Variants in RCL1 observed in about 807,000 individuals in gnomAD.
RCL1 encodes RNA 3'-terminal phosphate cyclase-like protein.
A neutral mutation model predicts 42.4 loss-of-function variants in RCL1; 24 were observed. The ratio of observed to expected loss-of-function variants is 0.57; its 90% CI spans 0.41 to 0.80. RCL1 has a LOEUF of 0.80. RCL1 is among the 30% of genes least tolerant of loss of function. The pLI, the probability that RCL1 is intolerant of heterozygous loss-of-function variation, is 0.00. For synonymous variants in RCL1, 228 were observed against 177.3 expected (o/e 1.29, Z -2.27); for missense variants, 578 against 467.9 (o/e 1.24, Z -2.17).
intron 8 of RCL1, among the ~76,000 whole-genome samples, chr9:4,853,267 G>A (rs1355439516): frequency 2.0e-5 from 3 of 151,946 alleles, no homozygotes; most frequent in African/African-American, 7.3e-5. Context: ...CAGACAGTAA[G>A]TGGGGTTCAG....
At chr9:4,832,132 A>T (rs571614326) in intron 3 of RCL1, among the ~76,000 whole-genome samples, 1 of 152,276 alleles carries the variant, frequency 6.6e-6, no homozygotes, top group East Asian at 1.9e-4. Flanking sequence ...CCATCTTTCT[A>T]CTCTTATCAG....
chr9:4,847,227 G>C (rs1048209482), intron 7 of RCL1, among the ~76,000 whole-genome samples: 11 of 152,028 alleles, frequency 7.2e-5, no homozygotes, highest in African/African-American at 2.4e-4. Context: ...ATTGTGCCTG[G>C]ACCAAATTTC....
intron 1 of RCL1, among the ~76,000 whole-genome samples, chr9:4,802,535 A>G (rs988686782): frequency 7.2e-5 from 11 of 152,196 alleles, no homozygotes; most frequent in African/African-American, 2.4e-4. Context: ...ATGAAATATT[A>G]TAGGTTTATT....
intron 1 of RCL1, among the ~76,000 whole-genome samples, chr9:4,819,678 G>A (rs1173470641): frequency 2.6e-5 from 4 of 152,230 alleles, no homozygotes; most frequent in South Asian, 2.1e-4. Flanking sequence ...GTGGTGGCAC[G>A]CGCCTGTAGT....
At chr9:4,816,372 G>T (rs898190138) in intron 1 of RCL1, among the ~76,000 whole-genome samples, 1 of 152,100 alleles carries the variant, frequency 6.6e-6, no homozygotes, top group African/African-American at 2.4e-5. Context: ...TTACCATGAA[G>T]ATACATTCTC....
chr9:4,841,255 A>G lies in RCL1; in HGVS notation c.608A>G (p.Gln203Arg). Reference protein sequence around the residue: ...GMAYSVRVSPQMANRIVDSAR... With the variant: ...GMAYSVRVSPRMANRIVDSAR... ...AGGTACTCTGTACGTGTGTCACCTC[A>G]GATGGCGAACCGGATTGTGGATTCT... is the stretch of plus-strand genomic sequence containing the variant. Residue 203 changes from glutamine (Q) to arginine (R), a missense_variant, in exon 6 of 9, where the codon CAG (glutamine) becomes CGG (arginine). Coordinates refer to ENST00000381750, the MANE Select transcript of RCL1 (RefSeq NM_005772.5). 1 of 1,613,924 alleles carries G rather than the reference A, an allele frequency of 6.2e-7. No homozygotes were observed.
chr9:4,852,444 T>G (rs2129725067), intron 8 of RCL1, among the ~76,000 whole-genome samples: 1 of 152,296 alleles, frequency 6.6e-6, no homozygotes. Flanking sequence ...AGAAATTATT[T>G]GTGGAATGAG....
At chr9:4,818,342 G>A (rs1816469572) in intron 1 of RCL1, among the ~76,000 whole-genome samples, 1 of 151,644 alleles carries the variant, frequency 6.6e-6, no homozygotes, top group Admixed American at 6.6e-5. Context: ...CTTGACCTCA[G>A]TATAATTTAG....
chr9:4,815,912 G>A (rs1337397319), intron 1 of RCL1, among the ~76,000 whole-genome samples: 2 of 151,990 alleles, frequency 1.3e-5, no homozygotes, highest in African/African-American at 4.8e-5. Flanking sequence ...AGTCCTTTTG[G>A]TTCCCAGCTG....
intron 2 of RCL1, among the ~76,000 whole-genome samples, chr9:4,826,459 G>T (rs922259606): frequency 6.6e-6 from 1 of 151,918 alleles, no homozygotes; most frequent in African/African-American, 2.4e-5. Context: ...CATTTCAGGG[G>T]CCCTAGAGGA....
chr9:4,838,560 C>T (rs1817212250), intron 5 of RCL1, among the ~76,000 whole-genome samples: 1 of 139,202 alleles, frequency 7.2e-6, no homozygotes. Flanking sequence ...CTTTGAGAAT[C>T]AAGCTCTCTC....
At chr9:4,838,373 C>T (rs1817207752) in intron 5 of RCL1, among the ~76,000 whole-genome samples, 1 of 152,222 alleles carries the variant, frequency 6.6e-6, no homozygotes, top group South Asian at 2.1e-4. Flanking sequence ...CACTCTTTCT[C>T]ACCCCTGCCT....
At chr9:4,801,223 G>A (rs1420157627) in intron 1 of RCL1, among the ~76,000 whole-genome samples, 1 of 152,116 alleles carries the variant, frequency 6.6e-6, no homozygotes. Context: ...CCAGGCTTGA[G>A]TACAGTGACA....
At chr9:4,841,010 A>G (rs1465624227) in intron 5 of RCL1, among the ~76,000 whole-genome samples, 1 of 152,110 alleles carries the variant, frequency 6.6e-6, no homozygotes, top group Non-Finnish European at 1.5e-5. Context: ...CTCCAGCTTT[A>G]TACTTTCCAC....
rs7847199 is a variant in RCL1, at chr9:4,853,099, T to C, written c.971+3549T>C. Among the ~76,000 whole-genome samples, 288 of 152,328 alleles carry C rather than the reference T, an allele frequency of 1.9e-3. 1 individual carries two copies. The highest frequency in any genetic ancestry group is 6.8e-3 in the African/African-American group (281 of 41,566). On this transcript the variant is annotated intron_variant, in intron 8 of 8. Coordinates refer to ENST00000381750, the MANE Select transcript of RCL1 (RefSeq NM_005772.5). ...TTTATTTAAACAACACCGTGTTTAC[T>C]GTGTGCAAGATGTTGTTTTAAGCAC...
intron 3 of RCL1, among the ~76,000 whole-genome samples, chr9:4,832,248 G>GT (rs1816965329): frequency 1.3e-5 from 2 of 152,186 alleles, no homozygotes; most frequent in Admixed American, 6.5e-5. Context: ...TATGGATGTT[G>GT]TAACTAATTG....
intron 1 of RCL1, among the ~76,000 whole-genome samples, chr9:4,822,847 A>T (rs1326792605): frequency 2.6e-5 from 4 of 152,138 alleles, no homozygotes; most frequent in Admixed American, 1.3e-4. Context: ...TTAATATAAA[A>T]TTAAATTTAT....
At chr9:4,821,618 C>T (rs112214003) in intron 1 of RCL1, among the ~76,000 whole-genome samples, 7 of 152,150 alleles carry the variant, frequency 4.6e-5, no homozygotes, top group East Asian at 3.9e-4. Flanking sequence ...AGAGGGAGAG[C>T]GAGAGTGACT....
chr9:4,798,660 T>G (rs1156790896), intron 1 of RCL1, among the ~76,000 whole-genome samples: 1 of 152,226 alleles, frequency 6.6e-6, no homozygotes, highest in Non-Finnish European at 1.5e-5. Flanking sequence ...TGTTCCTAAC[T>G]TGGATCCTTT....
Sources: allele counts gnomAD v4.1 joint callset (sites outside exome capture counted in the v4.1 genomes callset), GRCh38; gene constraint gnomAD v4.1.1; transcripts MANE v1.5; gene names NCBI Gene and HGNC (gene_info 2026-07-23, HGNC 2026-07-21).